Variants in RPGRIP1L observed in about 807,000 individuals in gnomAD.
RPGRIP1L encodes protein fantom.
RPGRIP1L carries 131 observed loss-of-function variants against 160.4 expected under a neutral mutation model. That is an observed-to-expected ratio of 0.82 (90% CI 0.71 to 0.94). RPGRIP1L has a LOEUF of 0.94. Among genes scored for constraint, RPGRIP1L ranks in the 40% least tolerant of loss-of-function variants. The pLI is 0.00. For synonymous variants in RPGRIP1L, 510 were observed against 515.8 expected, an observed-to-expected ratio of 0.99 and a Z score of 0.15; for missense variants, 1,522 against 1,535.8, an observed-to-expected ratio of 0.99 and a Z score of 0.15.
intron 16 of RPGRIP1L, 72 bp from the exon 17 acceptor site, chr16:53,646,075 A>G (rs1966528123): frequency 7.2e-7 from 1 of 1,395,938 alleles, no homozygotes; most frequent in Non-Finnish European, 1.0e-6. Flanking sequence ...CCAAGCCCCA[A>G]ATAAGATAAT....
In RPGRIP1L at chr16:53,645,757, C is replaced by A; in HGVS notation, c.2551G>T (p.Asp851Tyr). The A allele has an allele frequency of 1.2e-6, 2 of 1,614,106 alleles. No homozygotes were observed. Among genetic ancestry groups the A allele is most frequent in the South Asian group, 2.2e-5 (2 of 91,068 alleles). ...TCTGACTTAAGGTATCGATCCAAGT[C>A]CATATTCATTGGCACTGGGAAATAC... ...HMYFPVPMNM[D>Y]LDRYLKSESL... Residue 851 changes from aspartate to tyrosine, a missense_variant, in exon 17 of 27, where the codon GAC becomes TAC. Physicochemically the swap from Asp to Tyr is radical, Grantham distance 160. Coordinates refer to ENST00000647211, the MANE Select transcript of RPGRIP1L (RefSeq NM_015272.5).
At chr16:53,698,864 A>G (rs62048367) in intron 2 of RPGRIP1L, among the ~76,000 whole-genome samples, 4 of 151,532 alleles carry the variant, frequency 2.6e-5, no homozygotes, top group African/African-American at 7.3e-5. Flanking sequence ...CCCTCTGCCC[A>G]GCCACCACCC....
At position 53,600,678 on chromosome 16, in the gene RPGRIP1L, CTTTT is replaced by C. The variant is rs896184931; in HGVS notation, c.*1394_*1397del. ...TACTTGCATTTTTGCATTATAGCTG[CTTTT>C]TTTTTCTATTGAACTGTAATGAATT... On this transcript the variant is annotated 3_prime_UTR_variant, in exon 27 of 27. Coordinates refer to ENST00000647211, the MANE Select transcript of RPGRIP1L (RefSeq NM_015272.5). 1 of 151,982 alleles carries C rather than the reference CTTTT, an allele frequency of 6.6e-6. No homozygotes were observed. The highest frequency in any genetic ancestry group is 6.6e-5 in the Admixed American group (1 of 15,168). 9.4% of individuals were successfully genotyped at this position (151,982 alleles called of 1,614,324 possible).
At position 53,619,173 on chromosome 16, in the gene RPGRIP1L, T is replaced by C; in HGVS notation, c.3468A>G (p.Leu1156=). ...SEKIRIEIIA[L]SLNDSQVTMD... is the part of the protein sequence containing the mutation. Reference sequence around the variant, plus strand: ...TGGTTACTTGAGAATCATTAAGGCTTAGAGCTATGATCTCAATCCGAATTT... The same window carrying C: ...TGGTTACTTGAGAATCATTAAGGCTCAGAGCTATGATCTCAATCCGAATTT... Residue 1156 remains leucine, a synonymous_variant, in exon 24 of 27, where the codon CTA becomes CTG. Coordinates refer to ENST00000647211, the MANE Select transcript of RPGRIP1L (RefSeq NM_015272.5). The C allele has an allele frequency of 6.2e-7, 1 of 1,613,812 alleles. No individual in the cohort carries two copies. The highest frequency in any genetic ancestry group is 8.5e-7 in the Non-Finnish European group (1 of 1,180,014).
At chr16:53,612,958 T>C (rs1964148350) in intron 24 of RPGRIP1L, among the ~76,000 whole-genome samples, 1 of 152,190 alleles carries the variant, frequency 6.6e-6, no homozygotes, top group African/African-American at 2.4e-5. Context: ...TTTTTGTCTG[T>C]ATGAATCTGA....
chr16:53,675,184 C>T (rs903661435), intron 6 of RPGRIP1L, 62 bp from the exon 7 acceptor site: 7 of 1,066,342 alleles, frequency 6.6e-6, no homozygotes, highest in Middle Eastern at 2.0e-4. Context: ...AGAAGAAAAT[C>T]TATGGTGGAA....
Position 53,703,823 on chromosome 16 carries a change from T to A in RPGRIP1L, c.-28A>T, listed in dbSNP as rs933419557. ...CTCACCGTGCCACTGGCCCTGCAGC[T>A]AGCTACCGTTGCTATAGCGCCGACA... On this transcript the variant is annotated 5_prime_UTR_variant, in exon 1 of 27. Transcript: ENST00000647211. The A allele has an allele frequency of 4.9e-5, 21 of 427,472 alleles. No homozygotes were observed. In the Admixed American group the frequency reaches 6.3e-4, roughly 13 times the overall value. 26.5% of individuals were successfully genotyped at this position (427,472 alleles called of 1,614,324 possible).
chr16:53,685,337 A>G lies in RPGRIP1L; in HGVS notation c.776+1096T>C, dbSNP rs576615865. On this transcript the variant is annotated intron_variant, in intron 6 of 26. Coordinates refer to ENST00000647211, the MANE Select transcript of RPGRIP1L (RefSeq NM_015272.5). ...CTACAGGCAGAAATACCATTCGACAAGGAAATCCCATTACTGGGTATATAC... is the reference window on the plus strand; with the variant it reads ...CTACAGGCAGAAATACCATTCGACAGGGAAATCCCATTACTGGGTATATAC... 4.6e-5 allele frequency among the ~76,000 whole-genome samples: 7 copies of G among 152,306 alleles called. 1 individual carries two copies. The East Asian group carries it at 1.4e-3, about 29-fold the overall frequency.
chr16:53,605,635 GAA>G, intron 25 of RPGRIP1L, 21 bp from the exon 26 acceptor site: 1 of 1,613,298 alleles, frequency 6.2e-7, no homozygotes, highest in Non-Finnish European at 8.5e-7. Flanking sequence ...AGAGATCAGA[GAA>G]AGTCACCACC....
At chr16:53,663,280 AC>A (rs2034123585) in intron 10 of RPGRIP1L, among the ~76,000 whole-genome samples, 1 of 151,970 alleles carries the variant, frequency 6.6e-6, no homozygotes, top group Non-Finnish European at 1.5e-5. Context: ...CTTAGTAAGA[AC>A]CCTCAGAATT....
rs778924614 is a variant in RPGRIP1L at position 53,696,313 on chromosome 16, T to C, written c.86-18A>G. 1.9e-6 allele frequency: 3 copies of C among 1,613,350 alleles called. No homozygotes were observed. The highest frequency in any genetic ancestry group is 3.3e-5 in the Admixed American group (2 of 60,016). ...TGAAGTTTCTGCAAAAATGCCAAGA[T>C]AATTAATTGTGAGGTTACTTAAAAT... On this transcript the variant is annotated intron_variant, in intron 2 of 26. Coordinates refer to ENST00000647211, the MANE Select transcript of RPGRIP1L (RefSeq NM_015272.5).
At chr16:53,624,788 C>G (rs1418699611) in intron 22 of RPGRIP1L, among the ~76,000 whole-genome samples, 1 of 133,428 alleles carries the variant, frequency 7.5e-6, no homozygotes, top group Non-Finnish European at 1.6e-5. Flanking sequence ...TCGTCTCAGT[C>G]TCCTGCTTTC....
chr16:53,610,883 C>G, intron 25 of RPGRIP1L, 84 bp downstream of exon 25: 2 of 1,120,964 alleles, frequency 1.8e-6, no homozygotes, highest in South Asian at 2.5e-5. Flanking sequence ...GCTTCCTCAT[C>G]TTGTGCCTTT....
chr16:53,625,485 G>A (rs1384507431), intron 22 of RPGRIP1L, among the ~76,000 whole-genome samples: 2 of 133,890 alleles, frequency 1.5e-5, no homozygotes, highest in Non-Finnish European at 3.2e-5. Flanking sequence ...TGGGGGGGGC[G>A]CGCCTCCGCC....
intron 24 of RPGRIP1L, among the ~76,000 whole-genome samples, 192 bp downstream of exon 24, chr16:53,618,833 C>T (rs1209396137): frequency 6.6e-6 from 1 of 152,194 alleles, no homozygotes; most frequent in Non-Finnish European, 1.5e-5. Context: ...AGGTGTGAGC[C>T]ACTGTGCCTG....
intron 6 of RPGRIP1L, among the ~76,000 whole-genome samples, chr16:53,681,257 T>A (rs776434112): frequency 1.3e-5 from 2 of 152,192 alleles, no homozygotes; most frequent in South Asian, 4.1e-4. Context: ...GGCAGTTACA[T>A]GATTTCTAAT....
intron 9 of RPGRIP1L, among the ~76,000 whole-genome samples, chr16:53,669,576 T>A (rs1032497405): frequency 3.9e-5 from 6 of 152,158 alleles, no homozygotes; most frequent in Non-Finnish European, 8.8e-5. Context: ...ATTTCGTTTA[T>A]ACATTATTCC....
In RPGRIP1L at chr16:53,645,909, T is replaced by G. The variant is rs147734438; in HGVS notation, c.2399A>C (p.Asn800Thr). 505 of 1,614,158 alleles carry G rather than the reference T, an allele frequency of 3.1e-4. No individual in the cohort carries two copies. The highest frequency in any genetic ancestry group is 3.9e-4 in the Non-Finnish European group (462 of 1,180,012). ...NELHITIRCC[N>T]HLQSRASHLQ... ...GTGGCTTGCTCGGGACTGCAGGTGG[T>G]TGCAACATCTTATTGTAATGTGAAG... Residue 800 changes from asparagine to threonine, a missense_variant, in exon 17 of 27, where the codon AAC (asparagine) becomes ACC (threonine). Asn to Thr is a moderately conservative substitution (Grantham distance 65). Transcript: ENST00000647211.
Position 53,685,568 on chromosome 16 carries a change from G to A in RPGRIP1L, c.776+865C>T, listed in dbSNP as rs143051231. Among the ~76,000 whole-genome samples the A allele has an allele frequency of 4.8e-3, 725 of 152,328 alleles. 2 individuals are homozygous for A. The highest frequency in any genetic ancestry group is 7.7e-3 in the Non-Finnish European group (525 of 68,030). The stretch of plus-strand genomic sequence containing the variant: ...TGACCTTTGCAGGGACATGGATGGA[G>A]CCAGAGGCCACTATCCTTCACAAAC... On this transcript the variant is annotated intron_variant, in intron 6 of 26. Transcript: ENST00000647211.
Sources: gnomAD v4.1 joint callset for allele counts (sites outside exome capture counted in the v4.1 genomes callset) on GRCh38, gnomAD v4.1.1 for gene constraint, MANE v1.5 for transcripts, NCBI Gene and HGNC (gene_info 2026-07-23, HGNC 2026-07-21) for gene names.